Variants in ROCK1 observed in about 807,000 individuals in gnomAD.
The protein encoded by ROCK1 is Rho associated coiled-coil containing protein kinase 1, also known as rho-associated protein kinase 1.
ROCK1 carries 36 observed loss-of-function variants against 196.8 expected under a neutral mutation model. The observed-to-expected ratio is 0.18, with a 90% CI of 0.14 to 0.24. The LOEUF is 0.24. ROCK1 is among the 10% of genes least tolerant of loss of function. ROCK1 has a pLI of 1.00. For synonymous variants in ROCK1, 443 were observed against 515.9 expected (o/e 0.86, Z 1.91); for missense variants, 920 against 1,562.0 (o/e 0.59, Z 6.93).
intron 2 of ROCK1, among the ~76,000 whole-genome samples, chr18:21,060,691 T>A (rs911934570): frequency 5.3e-5 from 8 of 151,870 alleles, no homozygotes; most frequent in Non-Finnish European, 1.0e-4. Context: ...AATACAAAAT[T>A]AGCCGGGCAT....
intron 1 of ROCK1, among the ~76,000 whole-genome samples, chr18:21,088,065 T>C (rs1439829583): frequency 6.6e-6 from 1 of 152,190 alleles, no homozygotes; most frequent in Non-Finnish European, 1.5e-5. Context: ...AAATAATTTC[T>C]GGGTCAAAGG....
At chr18:21,016,119 G>C (rs1310442240) in intron 12 of ROCK1, among the ~76,000 whole-genome samples, 2 of 152,132 alleles carry the variant, frequency 1.3e-5, no homozygotes, top group African/African-American at 4.8e-5. Flanking sequence ...GTATTGATGA[G>C]CATAAATGAT....
intron 27 of ROCK1, among the ~76,000 whole-genome samples, chr18:20,962,255 A>T (rs8092199): frequency 0.022 from 3,406 of 152,262 alleles, 137 homozygotes; most frequent in African/African-American, 0.078. Flanking sequence ...CAAAAAAGTT[A>T]TTGCCAGAAA....
intron 2 of ROCK1, among the ~76,000 whole-genome samples, chr18:21,069,810 C>A (rs2036368174): frequency 6.6e-6 from 1 of 151,944 alleles, no homozygotes; most frequent in Non-Finnish European, 1.5e-5. Flanking sequence ...TTAAAAACTT[C>A]TCAGTTCAGA....
In ROCK1 at chr18:21,042,144, G is replaced by T; in HGVS notation, c.912C>A (p.Asp304Glu). 1 of 1,604,822 alleles carries T rather than the reference G, an allele frequency of 6.2e-7. No homozygotes were observed. Among genetic ancestry groups the T allele is most frequent in the Non-Finnish European group, 8.5e-7 (1 of 1,176,782 alleles). The change falls in exon 8 of 33, where the codon GAC (aspartate) becomes GAA (glutamate). Residue 304 changes from aspartate (D) to glutamate (E), a missense_variant. Asp to Glu is a conservative substitution (Grantham distance 45, BLOSUM62 2). This residue lies in a region of ROCK1 where 234 missense variants were observed against 460.7 expected (regional missense o/e 0.51). Coordinates refer to ENST00000399799, the MANE Select transcript of ROCK1 (RefSeq NM_005406.3). ...KNSLTFPDDN[D>E]ISKEAKNLIC... ...TAAGGTTTTTTGCTTCTTTTGATAT[G>T]TCATTATCATCAGGAAAGGTAAGTG...
chr18:21,068,124 C>G (rs1169260074), intron 2 of ROCK1, among the ~76,000 whole-genome samples: 1 of 152,044 alleles, frequency 6.6e-6, no homozygotes, highest in Admixed American at 6.5e-5. Context: ...TATTTGTGTC[C>G]TATCTAAGAA....
chr18:20,969,170 T>G lies in ROCK1; in HGVS notation c.2859A>C (p.Glu953Asp). ...EANSMLTKDIEILRRENEELT... is the reference protein window; with the variant it reads ...EANSMLTKDIDILRRENEELT... ...GCTCTTCATTCTCTCTTCTTAATATTTCAATATCTTTGGTTAGCATGCTGT... is the reference window on the plus strand; with the variant it reads ...GCTCTTCATTCTCTCTTCTTAATATGTCAATATCTTTGGTTAGCATGCTGT... The change falls in exon 24 of 33, where the codon GAA (glutamate) becomes GAC (aspartate). Residue 953 changes from glutamate (E) to aspartate (D), a missense_variant. By Grantham distance (45) the Glu-to-Asp change is conservative. Coordinates refer to ENST00000399799, the MANE Select transcript of ROCK1 (RefSeq NM_005406.3). 1 of 1,604,366 alleles carries G rather than the reference T, an allele frequency of 6.2e-7. No individual in the cohort carries two copies. The highest frequency in any genetic ancestry group is 8.5e-7 in the Non-Finnish European group (1 of 1,178,416).
chr18:21,050,304 T>A (rs1289873622), intron 2 of ROCK1, among the ~76,000 whole-genome samples: 1 of 149,606 alleles, frequency 6.7e-6, no homozygotes, highest in Non-Finnish European at 1.5e-5. Flanking sequence ...AGTGATCCTT[T>A]AAAAAAAGAT....
chr18:21,110,868 C>T lies in ROCK1; in HGVS notation c.43G>A (p.Asp15Asn). ...DSFETRFEKMDNLLRDPKSEV... is the reference protein window; with the variant it reads ...DSFETRFEKMNNLLRDPKSEV... The stretch of plus-strand genomic sequence containing the variant: ...GATTTGGGATCCCGCAGCAGGTTGT[C>T]CATTTTTTCAAATCGAGTCTCAAAA... The change falls in exon 1 of 33, where the codon GAC becomes AAC. Residue 15 changes from aspartate to asparagine, a missense_variant. Asp to Asn is a conservative substitution (Grantham distance 23). Around this residue, in one of 6 missense-constraint regions of ROCK1, gnomAD observed 234 missense variants for 460.7 expected, o/e 0.51. Coordinates refer to ENST00000399799, the MANE Select transcript of ROCK1 (RefSeq NM_005406.3). 6.2e-7 allele frequency: 1 copy of T among 1,614,180 alleles called. No individual in the cohort carries two copies.
rs113763420 is a variant in ROCK1, at chr18:21,039,483, G to A, written c.1040C>T (p.Thr347Met). Reference protein sequence around the residue: ...FFKNDQWAWETLRDTVAPVVP... With the variant: ...FFKNDQWAWEMLRDTVAPVVP... ...AAAAAAAAACTTACTGTCTCGGAGC[G>A]TTTCCCAAGCCCACTGGTCATTTTT... The change falls in exon 9 of 33, where the codon ACG becomes ATG. Residue 347 changes from threonine (T) to methionine (M), a missense_variant. By Grantham distance (81) the Thr-to-Met change is moderately conservative (BLOSUM62 -1). Coordinates refer to ENST00000399799, the MANE Select transcript of ROCK1 (RefSeq NM_005406.3). 316 of 1,611,952 alleles carry A rather than the reference G, an allele frequency of 2.0e-4. No homozygotes were observed. In the African/African-American group the frequency reaches 3.6e-3, roughly 18 times the overall value.
chr18:20,999,290 C>A (rs2035700190), intron 16 of ROCK1, among the ~76,000 whole-genome samples: 1 of 149,944 alleles, frequency 6.7e-6, no homozygotes, highest in African/African-American at 2.5e-5. Flanking sequence ...TGAGTCCCAC[C>A]AAGAACATAC....
chr18:21,064,200 T>C (rs2036315039), intron 2 of ROCK1, among the ~76,000 whole-genome samples: 1 of 152,150 alleles, frequency 6.6e-6, no homozygotes, highest in Non-Finnish European at 1.5e-5. Context: ...TTCTCTCTCA[T>C]TATAAACCAA....
In ROCK1 at chr18:21,067,238, T is replaced by C. The variant is rs74698527; in HGVS notation, c.175+3294A>G. Among the ~76,000 whole-genome samples the C allele has an allele frequency of 8.6e-3, 1,306 of 152,324 alleles. 6 individuals are homozygous for C. The highest frequency in any genetic ancestry group is 0.014 in the South Asian group (69 of 4,826). Reference sequence around the variant, plus strand: ...TACATCTTCTTTGGAGAAATGTCTATTCAAATATTTTTCCTACTTTTAAAC... The same window carrying C: ...TACATCTTCTTTGGAGAAATGTCTACTCAAATATTTTTCCTACTTTTAAAC... On this transcript the variant is annotated intron_variant, in intron 2 of 32. Coordinates refer to ENST00000399799, the MANE Select transcript of ROCK1 (RefSeq NM_005406.3).
chr18:21,073,152 T>G (rs1455636349), intron 1 of ROCK1, among the ~76,000 whole-genome samples: 1 of 146,106 alleles, frequency 6.8e-6, no homozygotes, highest in African/African-American at 2.6e-5. Flanking sequence ...GTCAAAAAAT[T>G]ACAGTAATTA....
chr18:21,039,654 G>T, intron 8 of ROCK1, 91 bp from the exon 9 acceptor site: 2 of 843,780 alleles, frequency 2.4e-6, no homozygotes, highest in Non-Finnish European at 2.0e-6. Flanking sequence ...TATTAAATCA[G>T]TGTAGGACGA....
chr18:21,027,380 A>G (rs2035967847), intron 10 of ROCK1, among the ~76,000 whole-genome samples: 1 of 152,222 alleles, frequency 6.6e-6, no homozygotes, highest in Non-Finnish European at 1.5e-5. Context: ...TACCTGACAA[A>G]TAATAAGTTA....
chr18:21,049,746 A>G (rs778129540), intron 3 of ROCK1, 34 bp downstream of exon 3: 3 of 1,189,416 alleles, frequency 2.5e-6, no homozygotes, highest in Non-Finnish European at 3.7e-6. Context: ...TTAATTTAAT[A>G]AAGTCCTTTT....
intron 2 of ROCK1, among the ~76,000 whole-genome samples, chr18:21,057,303 G>A (rs1372649860): frequency 2.6e-5 from 4 of 152,110 alleles, no homozygotes; most frequent in Non-Finnish European, 4.4e-5. Context: ...AGCAAATTGA[G>A]TCATAAATAG....
chr18:20,981,085 G>A (rs1245351535), intron 21 of ROCK1, among the ~76,000 whole-genome samples: 1 of 151,896 alleles, frequency 6.6e-6, no homozygotes, highest in South Asian at 2.1e-4. Flanking sequence ...GGGTAGTTGA[G>A]AGACAGGTAA....
Sources: gnomAD v4.1 joint callset for allele counts (sites outside exome capture counted in the v4.1 genomes callset) on GRCh38, gnomAD v4.1.1 for gene constraint, gnomAD v4.1.1 regional missense constraint, MANE v1.5 for transcripts, NCBI Gene and HGNC (gene_info 2026-07-23, HGNC 2026-07-21) for gene names.